The following FGL1 variants were observed in gnomAD, a reference collection of about 807,000 sequenced individuals.
The protein encoded by FGL1 is fibrinogen-like protein 1.
Under a neutral mutation model 43.7 loss-of-function variants are expected in FGL1, and 59 were observed. That is an observed-to-expected ratio of 1.35 (90% CI 1.10 to 1.68). The LOEUF (loss-of-function observed/expected upper bound fraction) is 1.68, where lower values mean the gene tolerates loss of function less well. FGL1 is among the 40% of genes most tolerant of loss of function. FGL1 has a pLI of 0.00. For synonymous variants in FGL1, 192 were observed against 126.5 expected, an observed-to-expected ratio of 1.52 and a Z score of -3.48; for missense variants, 596 against 373.0, an observed-to-expected ratio of 1.60 and a Z score of -4.92.
At chr8:17,876,171 C>T (rs2053453553) in intron 3 of FGL1, among the ~76,000 whole-genome samples, 2 of 152,102 alleles carry the variant, frequency 1.3e-5, no homozygotes, top group Admixed American at 1.3e-4. Context: ...TGTTAATTTC[C>T]TTAACAAAAA....
chr8:17,864,853 T>C, intron 7 of FGL1, 102 bp from the exon 8 acceptor site: 1 of 1,025,408 alleles, frequency 9.8e-7, no homozygotes, highest in Non-Finnish European at 1.3e-6. Flanking sequence ...TTTTGAACTA[T>C]GAATTCTGCC....
At chr8:17,876,420 T>C (rs1367006411) in intron 3 of FGL1, among the ~76,000 whole-genome samples, 1 of 152,174 alleles carries the variant, frequency 6.6e-6, no homozygotes, top group Non-Finnish European at 1.5e-5. Context: ...ACCAACCATA[T>C]ACTCCTGCTT....
chr8:17,884,314 G>T (rs918440010), intron 2 of FGL1, among the ~76,000 whole-genome samples: 1 of 151,766 alleles, frequency 6.6e-6, no homozygotes, highest in African/African-American at 2.4e-5. Context: ...GCTTCATCCT[G>T]GCAAGTAGCT....
chr8:17,874,206 A>G (rs921112442), intron 4 of FGL1, 90 bp from the exon 5 acceptor site: 2 of 1,349,960 alleles, frequency 1.5e-6, no homozygotes, highest in Non-Finnish European at 2.1e-6. Flanking sequence ...CACCACCTCC[A>G]ATATTTTCTT....
At position 17,868,549 on chromosome 8, in the gene FGL1, T is replaced by C. The variant is rs747270750; in HGVS notation, c.778A>G (p.Arg260Gly). Reference sequence around the variant, plus strand: ...AACTATGCTCATAAGACATCAAACCTGTTAAACCACCAGCCAGACTGATCT... The same window carrying C: ...AACTATGCTCATAAGACATCAAACCCGTTAAACCACCAGCCAGACTGATCT... ...EEDQSGWWFN[R>G]CHSANLNGVY... Residue 260 changes from arginine to glycine, a missense_variant and splice_region_variant, in exon 7 of 8, where the codon AGG (arginine) becomes GGG (glycine). Coordinates refer to ENST00000427924, the MANE Select transcript of FGL1 (RefSeq NM_004467.4). The C allele has an allele frequency of 1.6e-5, 26 of 1,609,612 alleles. No individual in the cohort carries two copies. The East Asian group carries it at 5.8e-4, about 36-fold the overall frequency.
intron 7 of FGL1, among the ~76,000 whole-genome samples, chr8:17,865,056 G>T (rs548017973): frequency 6.6e-6 from 1 of 152,086 alleles, no homozygotes; most frequent in South Asian, 2.1e-4. Flanking sequence ...AAACTGCTGG[G>T]ATAACAGGTG....
chr8:17,886,713 G>C (rs1186553448), intron 1 of FGL1, among the ~76,000 whole-genome samples: 2 of 152,046 alleles, frequency 1.3e-5, no homozygotes, highest in Non-Finnish European at 2.9e-5. Flanking sequence ...AGCCGAGATC[G>C]TGCCAATGCA....
intron 1 of FGL1, among the ~76,000 whole-genome samples, chr8:17,886,792 G>C (rs922559159): frequency 1.0e-3 from 43 of 42,036 alleles, no homozygotes; most frequent in Non-Finnish European, 5.1e-3. Context: ...GAGAGGAGAG[G>C]AGAGGAGAGG....
At chr8:17,873,375 C>T (rs1051605118) in intron 5 of FGL1, among the ~76,000 whole-genome samples, 3 of 152,082 alleles carry the variant, frequency 2.0e-5, no homozygotes, top group African/African-American at 7.2e-5. Flanking sequence ...TTGAATCCTT[C>T]CATCCCAGAG....
At chr8:17,878,083 A>G (rs1340738948) in intron 3 of FGL1, among the ~76,000 whole-genome samples, 1 of 151,984 alleles carries the variant, frequency 6.6e-6, no homozygotes, top group Non-Finnish European at 1.5e-5. Context: ...CAGCCTCCTG[A>G]GTAGCTGGGC....
rs896960496 is a variant in FGL1 at position 17,885,588 on chromosome 8, A to C, written c.-17-17T>G. 1.5e-5 allele frequency: 24 copies of C among 1,607,130 alleles called. No homozygotes were observed. Among genetic ancestry groups the C allele is most frequent in the Middle Eastern group, 3.3e-4 (2 of 6,062 alleles). The stretch of plus-strand genomic sequence containing the variant: ...TTGAAAAAACTGCAAGAACAAAAAG[A>C]ATTTTATAAATGTATCAACCTTGAA... On this transcript the variant is annotated splice_polypyrimidine_tract_variant and intron_variant, in intron 1 of 7. Transcript: ENST00000427924.
At chr8:17,865,944 A>G (rs143483315) in intron 7 of FGL1, among the ~76,000 whole-genome samples, 117 of 152,348 alleles carry the variant, frequency 7.7e-4, no homozygotes, top group Non-Finnish European at 1.3e-3. Context: ...AAATGGACGT[A>G]ATTAATTGAA....
intron 1 of FGL1, among the ~76,000 whole-genome samples, chr8:17,893,701 T>C (rs981616397): frequency 1.4e-5 from 2 of 147,124 alleles, no homozygotes; most frequent in Non-Finnish European, 3.0e-5. Context: ...ATATCTTAAG[T>C]TCTCTAAAAT....
chr8:17,874,018 C>G lies in FGL1; in HGVS notation c.502+1G>C, dbSNP rs113862747. The G allele has an allele frequency of 6.3e-7, 1 of 1,594,798 alleles. No individual in the cohort carries two copies. Among genetic ancestry groups the G allele is most frequent in the Admixed American group, 1.8e-5 (1 of 55,022 alleles). ...TAAATCTGACATCATTCAAACCTTACCTTGAGTGGTCAAGAAGTGAAGATT... is the reference window on the plus strand; with the variant it reads ...TAAATCTGACATCATTCAAACCTTAGCTTGAGTGGTCAAGAAGTGAAGATT... On this transcript the variant is annotated splice_donor_variant, in intron 5 of 7. Transcript: ENST00000427924. LOFTEE classifies it high-confidence loss of function.
At position 17,874,712 on chromosome 8, in the gene FGL1, T is replaced by C. The variant is rs2053419148; in HGVS notation, c.245-191A>G. 7.6e-6 allele frequency: 3 copies of C among 394,792 alleles called. No homozygotes were observed. The East Asian group carries it at 1.1e-4, about 15-fold the overall frequency. The allele number at this position is 394,792 out of a possible 1,614,324, so 24.5% of individuals were successfully genotyped here. On this transcript the variant is annotated intron_variant, in intron 3 of 7. Coordinates refer to ENST00000427924, the MANE Select transcript of FGL1 (RefSeq NM_004467.4). Reference sequence around the variant, plus strand: ...GAAAGTTTTATTTCCTTTGCTAAAATTTGCCACCTGAATCCTTGATATAAT... The same window carrying C: ...GAAAGTTTTATTTCCTTTGCTAAAACTTGCCACCTGAATCCTTGATATAAT...
At chr8:17,868,143 T>C (rs2517289) in intron 7 of FGL1, among the ~76,000 whole-genome samples, 99,798 of 151,934 alleles carry the variant, frequency 0.66, 33,804 homozygotes, top group Non-Finnish European at 0.76. Flanking sequence ...AAAGTAGTAC[T>C]ATACAGAAGC....
At chr8:17,877,838 T>C (rs567349081) in intron 3 of FGL1, among the ~76,000 whole-genome samples, 9 of 152,216 alleles carry the variant, frequency 5.9e-5, no homozygotes, top group Non-Finnish European at 1.2e-4. Flanking sequence ...AATGCGATAC[T>C]CTTGTAGGGT....
In FGL1 at chr8:17,864,523, C is replaced by T. The variant is rs2053239642; in HGVS notation, c.*69G>A. 5 of 1,498,910 alleles carry T rather than the reference C, an allele frequency of 3.3e-6. No homozygotes were observed. The Admixed American group carries it at 8.2e-5, about 25-fold the overall frequency. 92.9% of individuals were successfully genotyped at this position (1,498,910 alleles called of 1,614,324 possible). On this transcript the variant is annotated 3_prime_UTR_variant, in exon 8 of 8. Coordinates refer to ENST00000427924, the MANE Select transcript of FGL1 (RefSeq NM_004467.4). ...TATCATGATTGCGCATGGATATGTT[C>T]AGAATGAGTATTTTTCAAATCACTT...
chr8:17,883,505 A>T lies in FGL1; in HGVS notation c.64-1326T>A, dbSNP rs952223389. ...AATATATAATATATTAAATATATTT[A>T]TATATAATATAATGTAATATAATTG... is the stretch of plus-strand genomic sequence containing the variant. On this transcript the variant is annotated intron_variant, in intron 2 of 7. Transcript: ENST00000427924. Among the ~76,000 whole-genome samples the T allele has an allele frequency of 1.9e-3, 245 of 127,782 alleles. 1 individual carries two copies. Among genetic ancestry groups the T allele is most frequent in the Non-Finnish European group, 3.0e-3 (197 of 64,688 alleles). 83.8% of individuals were successfully genotyped at this position (127,782 alleles called of 152,430 possible). A position where few individuals can be genotyped will look rare whatever the true frequency, so the allele number is the denominator to read the frequency against.
Sources: allele counts gnomAD v4.1 joint callset (sites outside exome capture counted in the v4.1 genomes callset), GRCh38; gene constraint gnomAD v4.1.1; transcripts MANE v1.5; gene names NCBI Gene and HGNC (gene_info 2026-07-23, HGNC 2026-07-21).